Variants in RARB observed in about 807,000 individuals in gnomAD.
RARB encodes the protein retinoic acid receptor beta, also known as HBV-activated protein.
RARB carries 17 observed loss-of-function variants against 51.9 expected under a neutral mutation model. The ratio of observed to expected loss-of-function variants is 0.33; its 90% CI spans 0.22 to 0.49. The LOEUF (loss-of-function observed/expected upper bound fraction) is 0.49. Among genes scored for constraint, RARB ranks in the 20% least tolerant of loss-of-function variants. The pLI, the probability that RARB is intolerant of heterozygous loss-of-function variation, is 0.99. For missense variants in RARB, 369 were observed against 550.8 expected, an observed-to-expected ratio of 0.67 and a Z score of 3.30; for synonymous variants, 215 against 195.4, an observed-to-expected ratio of 1.10 and a Z score of -0.84.
At chr3:25,306,300 G>C (rs1379908084) in intron 5 of RARB, among the ~76,000 whole-genome samples, 1 of 152,180 alleles carries the variant, frequency 6.6e-6, no homozygotes, top group African/African-American at 2.4e-5. Context: ...ATCAGGACTT[G>C]TCAGCACCTC....
At chr3:25,101,795 A>T (rs948747465) in intron 3 of RARB, among the ~76,000 whole-genome samples, 1 of 152,104 alleles carries the variant, frequency 6.6e-6, no homozygotes, top group Non-Finnish European at 1.5e-5. Flanking sequence ...ACCAACATAC[A>T]TTCCCACCAA....
At chr3:25,016,700 A>C (rs192002543) in intron 2 of RARB, among the ~76,000 whole-genome samples, 1 of 152,126 alleles carries the variant, frequency 6.6e-6, no homozygotes, top group Admixed American at 6.6e-5. Flanking sequence ...CAGAAATTCA[A>C]TCATGGTCAA....
intron 2 of RARB, among the ~76,000 whole-genome samples, chr3:24,880,775 A>G (rs1703143287): frequency 6.6e-6 from 1 of 152,248 alleles, no homozygotes; most frequent in Non-Finnish European, 1.5e-5. Flanking sequence ...GCAAAATGTA[A>G]TGCTACTCTT....
chr3:24,830,303 G>A (rs997543448), intron 1 of RARB, among the ~76,000 whole-genome samples: 2 of 149,280 alleles, frequency 1.3e-5, no homozygotes, highest in Non-Finnish European at 3.0e-5. Flanking sequence ...TTTTGAAAAA[G>A]GTGTGCACGC....
chr3:25,335,003 G>A (rs2125447320), intron 5 of RARB, among the ~76,000 whole-genome samples: 1 of 152,300 alleles, frequency 6.6e-6, no homozygotes, highest in South Asian at 2.1e-4. Context: ...GATGGGGAGA[G>A]ACAGAGGTTA....
intron 2 of RARB, among the ~76,000 whole-genome samples, chr3:25,494,282 C>CACACACACACACACACA: frequency 6.6e-6 from 1 of 151,876 alleles, no homozygotes; most frequent in African/African-American, 2.4e-5. Flanking sequence ...CACACACATG[C>CACACACACACACACACA]CATCATTTAC....
chr3:24,885,884 T>A (rs757775212), intron 2 of RARB, among the ~76,000 whole-genome samples: 3 of 152,204 alleles, frequency 2.0e-5, no homozygotes, highest in Admixed American at 2.0e-4. Flanking sequence ...TTAAACTATA[T>A]GCACATAAAG....
At chr3:25,572,648 T>C (rs909626001) in intron 4 of RARB, among the ~76,000 whole-genome samples, 1 of 152,146 alleles carries the variant, frequency 6.6e-6, no homozygotes, top group Non-Finnish European at 1.5e-5. Flanking sequence ...GAGAGAGCTG[T>C]GACCCAGGAA....
At chr3:25,545,467 C>T (rs745936969) in intron 3 of RARB, among the ~76,000 whole-genome samples, 2 of 152,062 alleles carry the variant, frequency 1.3e-5, no homozygotes, top group African/African-American at 2.4e-5. Flanking sequence ...AGAACCTAGA[C>T]TTTGAGTCCA....
At chr3:25,028,116 G>A (rs1466289158) in intron 2 of RARB, among the ~76,000 whole-genome samples, 3 of 152,106 alleles carry the variant, frequency 2.0e-5, no homozygotes, top group African/African-American at 7.2e-5. Flanking sequence ...ACTTCACTTT[G>A]TGTTAGGATT....
intron 5 of RARB, among the ~76,000 whole-genome samples, chr3:25,188,889 G>A (rs1237222154): frequency 6.6e-6 from 1 of 152,078 alleles, no homozygotes; most frequent in African/African-American, 2.4e-5. Context: ...GAGGACATTT[G>A]GGGAAAGAGA....
At chr3:25,237,473 G>GT (rs1417300188) in intron 5 of RARB, among the ~76,000 whole-genome samples, 2 of 151,942 alleles carry the variant, frequency 1.3e-5, no homozygotes, top group Non-Finnish European at 2.9e-5. Context: ...CTTCTAAACA[G>GT]TTTTTTGTTT....
chr3:24,962,057 G>A (rs1366167047), intron 2 of RARB, among the ~76,000 whole-genome samples: 2 of 150,132 alleles, frequency 1.3e-5, no homozygotes, highest in East Asian at 4.0e-4. Flanking sequence ...AGCCTCCCAA[G>A]TAGCTGGGAC....
chr3:24,892,413 G>C (rs537318456), intron 2 of RARB, among the ~76,000 whole-genome samples: 1 of 152,164 alleles, frequency 6.6e-6, no homozygotes, highest in South Asian at 2.1e-4. Flanking sequence ...CTGCTCAGTT[G>C]TTTGCACCAA....
At chr3:25,004,002 A>G (rs145430053) in intron 2 of RARB, among the ~76,000 whole-genome samples, 74 of 152,290 alleles carry the variant, frequency 4.9e-4, no homozygotes, top group African/African-American at 1.7e-3. Context: ...TGTGATAACA[A>G]ATAAACTCCA....
chr3:24,908,210 T>C (rs1694909836), intron 2 of RARB, among the ~76,000 whole-genome samples: 1 of 152,214 alleles, frequency 6.6e-6, no homozygotes, highest in African/African-American at 2.4e-5. Context: ...AGAGGTATAC[T>C]TGGATTTTTA....
intron 3 of RARB, among the ~76,000 whole-genome samples, chr3:25,551,539 A>G (rs1322250312): frequency 3.3e-5 from 5 of 152,198 alleles, no homozygotes; most frequent in African/African-American, 1.2e-4. Flanking sequence ...AGTTATGTGG[A>G]GCAGCTAAAG....
At chr3:25,474,808 G>A (rs1314944815) in intron 2 of RARB, among the ~76,000 whole-genome samples, 1 of 152,108 alleles carries the variant, frequency 6.6e-6, no homozygotes, top group Non-Finnish European at 1.5e-5. Flanking sequence ...TAATTCAGTT[G>A]TATTTTGCTC....
chr3:25,274,436 G>A (rs1052757798), intron 5 of RARB, among the ~76,000 whole-genome samples: 1 of 152,126 alleles, frequency 6.6e-6, no homozygotes, highest in African/African-American at 2.4e-5. Flanking sequence ...CTCAGATCAG[G>A]TGTTACCTTT....
Sources: gnomAD v4.1 joint callset for allele counts (sites outside exome capture counted in the v4.1 genomes callset) on GRCh38, gnomAD v4.1.1 for gene constraint, MANE v1.5 for transcripts, NCBI Gene and HGNC (gene_info 2026-07-23, HGNC 2026-07-21) for gene names.